IREB2: variants seen among roughly 807,000 people sequenced by gnomAD.
IREB2 encodes iron responsive element binding protein 2.
A neutral mutation model predicts 118.8 loss-of-function variants in IREB2; 39 were observed. The observed-to-expected ratio is 0.33, with a 90% CI of 0.25 to 0.43. The LOEUF is 0.43. IREB2 is among the 20% of genes least tolerant of loss of function. The pLI is 1.00. For synonymous variants in IREB2, 372 were observed against 392.2 expected, an observed-to-expected ratio of 0.95 and a Z score of 0.61; for missense variants, 900 against 1,147.3, an observed-to-expected ratio of 0.78 and a Z score of 3.11.
At chr15:78,442,796 G>A (rs2050864619) in intron 2 of IREB2, among the ~76,000 whole-genome samples, 1 of 152,132 alleles carries the variant, frequency 6.6e-6, no homozygotes, top group East Asian at 1.9e-4. Flanking sequence ...TGCACCTCCA[G>A]GCATTATGTC....
At chr15:78,477,443 C>G (rs2051490404) in intron 9 of IREB2, among the ~76,000 whole-genome samples, 2 of 152,164 alleles carry the variant, frequency 1.3e-5, no homozygotes, top group South Asian at 4.1e-4. Context: ...GAGCTGTCAG[C>G]TGAGGACTTA....
chr15:78,446,571 C>T lies in IREB2; in HGVS notation c.106+6690C>T, dbSNP rs138045333. Among the ~76,000 whole-genome samples the T allele has an allele frequency of 4.4e-3, 674 of 152,290 alleles. 4 individuals carry two copies. Among genetic ancestry groups the T allele is most frequent in the Middle Eastern group, 0.01 (3 of 294 alleles). On this transcript the variant is annotated intron_variant, in intron 2 of 21. Coordinates refer to ENST00000258886, the MANE Select transcript of IREB2 (RefSeq NM_004136.4). ...TTCCACTCTTCTGCTTCCTCCACTT[C>T]ACTATAGACAAGCCTCCTCTGCCTG...
Position 78,493,969 on chromosome 15 carries a change from A to T in IREB2, c.2385A>T (p.Thr795=). 1 of 1,614,054 alleles carries T rather than the reference A, an allele frequency of 6.2e-7. No homozygotes were observed. The change falls in exon 19 of 22, where the codon ACA becomes ACT. Residue 795 remains threonine, a synonymous_variant. Coordinates refer to ENST00000258886, the MANE Select transcript of IREB2 (RefSeq NM_004136.4). ...GAAGAGGTAATGATGCTGTAATGAC[A>T]AGAGGCACTTTTGCAAATATCAAGC... ...GARRGNDAVM[T]RGTFANIKLF...
At position 78,497,126 on chromosome 15, in the gene IREB2, G is replaced by A. The variant is rs777230059; in HGVS notation, c.2596G>A (p.Gly866Ser). Residue 866 changes from glycine (G) to serine (S), a missense_variant and splice_region_variant, in exon 21 of 22, where the codon GGT becomes AGT. Coordinates refer to ENST00000258886, the MANE Select transcript of IREB2 (RefSeq NM_004136.4). ...DWAAKGPYLL[G>S]VKAVLAESYE... ...GGAATAAAATGCACATTTATTACAG[G>A]GTGTGAAAGCTGTTTTGGCCGAAAG... The A allele has an allele frequency of 1.2e-6, 2 of 1,610,244 alleles. No individual in the cohort carries two copies. The highest frequency in any genetic ancestry group is 1.3e-5 in the African/African-American group (1 of 74,984).
intron 1 of IREB2, among the ~76,000 whole-genome samples, chr15:78,439,391 T>G (rs1233137033): frequency 2.0e-5 from 3 of 152,228 alleles, no homozygotes; most frequent in Non-Finnish European, 4.4e-5. Context: ...CTCTGCAGTT[T>G]TCAAGACATG....
At chr15:78,438,999 T>C (rs1480936483) in intron 1 of IREB2, 1 of 152,286 alleles carries the variant, frequency 6.6e-6, no homozygotes, top group Non-Finnish European at 1.5e-5. Context: ...ATGAAAGCCT[T>C]AACAATGTTG....
intron 2 of IREB2, among the ~76,000 whole-genome samples, chr15:78,460,734 C>G (rs550957700): frequency 6.6e-6 from 1 of 152,086 alleles, no homozygotes; most frequent in African/African-American, 2.4e-5. Context: ...TAGAAAATAC[C>G]TAATTTTTAG....
intron 1 of IREB2, among the ~76,000 whole-genome samples, 193 bp from the exon 2 acceptor site, chr15:78,439,602 C>A (rs1033129360): frequency 6.6e-6 from 1 of 152,174 alleles, no homozygotes; most frequent in Non-Finnish European, 1.5e-5. Context: ...AAATTCAGTT[C>A]CTCAGGCACG....
chr15:78,497,072 C>T (rs2051847931), intron 20 of IREB2, 54 bp from the exon 21 acceptor site: 4 of 1,432,080 alleles, frequency 2.8e-6, no homozygotes, highest in Non-Finnish European at 3.9e-6. Flanking sequence ...TTTAAATGCT[C>T]AATAAATAAC....
Position 78,438,282 on chromosome 15 carries a change from C to A in IREB2, c.-56C>A. 1 of 1,418,338 alleles carries A rather than the reference C, an allele frequency of 7.1e-7. No individual in the cohort carries two copies. The highest frequency in any genetic ancestry group is 9.8e-7 in the Non-Finnish European group (1 of 1,021,506). 87.9% of individuals were successfully genotyped at this position (1,418,338 alleles called of 1,614,324 possible). The stretch of plus-strand genomic sequence containing the variant: ...TTCCTCCCCGTCTTCCCTGCCCGGC[C>A]TCCCCCTTCTTCCCCCGCTGGCCCC... On this transcript the variant is annotated 5_prime_UTR_variant, in exon 1 of 22. Transcript: ENST00000258886.
Position 78,498,062 on chromosome 15 carries a change from T to G in IREB2, c.2811T>G (p.Ile937Met). ...GCACTGGAAAAGTATTCAGCGTGAT[T>G]GCTTCGTTTGAAGATGATGTGGAAA... is the stretch of plus-strand genomic sequence containing the variant. ...QTSTGKVFSV[I>M]ASFEDDVEIT... The change falls in exon 22 of 22, where the codon ATT becomes ATG. Residue 937 changes from isoleucine to methionine, a missense_variant. Physicochemically the swap from Ile to Met is conservative, Grantham distance 10. Transcript: ENST00000258886. The G allele has an allele frequency of 6.2e-7, 1 of 1,613,202 alleles. No homozygotes were observed. Among genetic ancestry groups the G allele is most frequent in the Non-Finnish European group, 8.5e-7 (1 of 1,179,186 alleles).
At chr15:78,448,565 C>T (rs2050970721) in intron 2 of IREB2, among the ~76,000 whole-genome samples, 1 of 152,230 alleles carries the variant, frequency 6.6e-6, no homozygotes, top group Non-Finnish European at 1.5e-5. Context: ...CCCTATCCCG[C>T]CTGGTTCTGG....
chr15:78,487,726 A>C lies in IREB2; in HGVS notation c.1710-7A>C. The C allele has an allele frequency of 6.5e-7, 1 of 1,542,206 alleles. No individual in the cohort carries two copies. Among genetic ancestry groups the C allele is most frequent in the Non-Finnish European group, 8.9e-7 (1 of 1,118,380 alleles). On this transcript the variant is annotated splice_polypyrimidine_tract_variant and splice_region_variant and intron_variant, in intron 13 of 21. Transcript: ENST00000258886. Reference sequence around the variant, plus strand: ...TGCTATTCAGTCACTTTTTTTTTGAAATGCAGATTTGAAATCGTTGGCTAT... The same window carrying C: ...TGCTATTCAGTCACTTTTTTTTTGACATGCAGATTTGAAATCGTTGGCTAT...
intron 2 of IREB2, among the ~76,000 whole-genome samples, chr15:78,457,474 A>G (rs1215561952): frequency 6.6e-6 from 1 of 152,124 alleles, no homozygotes; most frequent in Non-Finnish European, 1.5e-5. Context: ...TTGCTTGATT[A>G]ATTGATAGTT....
chr15:78,437,736 A>T (rs887460602), upstream of IREB2: 1 of 152,726 alleles, frequency 6.5e-6, no homozygotes, highest in Non-Finnish European at 1.5e-5. Flanking sequence ...GAAAAAATTC[A>T]TTCATTCAAC....
At chr15:78,493,793 T>A in intron 18 of IREB2, 116 bp from the exon 19 acceptor site, 1 of 890,284 alleles carries the variant, frequency 1.1e-6, no homozygotes, top group Non-Finnish European at 1.7e-6. Context: ...GGTTTTGTTT[T>A]CTTTTGTGTT....
In IREB2 at chr15:78,450,824, TTGTGTGTGTGTGTGTG is replaced by T. The variant is rs35092289; in HGVS notation, c.106+10977_106+10992del. 3.0e-3 allele frequency among the ~76,000 whole-genome samples: 401 copies of T among 134,118 alleles called. 2 individuals carry two copies. The highest frequency in any genetic ancestry group is 7.6e-3 in the African/African-American group (271 of 35,590). The allele number at this position is 134,118 out of a possible 152,430, so 88.0% of individuals were successfully genotyped here. On this transcript the variant is annotated intron_variant, in intron 2 of 21. Transcript: ENST00000258886. ...GAGGGCTGTGGTGATATTAACAAAT[TTGTGTGTGTGTGTGTG>T]TGTGTGTGTGTGTGTGTGTGTGTGT...
chr15:78,454,411 A>G (rs1455512866), intron 2 of IREB2, among the ~76,000 whole-genome samples: 1 of 152,226 alleles, frequency 6.6e-6, no homozygotes, highest in Non-Finnish European at 1.5e-5. Context: ...GCTTAGTGAA[A>G]AAAATACAGG....
rs373490921 is a variant in IREB2 at position 78,473,401 on chromosome 15, G to C, written c.1023+20G>C. The C allele has an allele frequency of 2.5e-6, 4 of 1,600,318 alleles. No homozygotes were observed. The African/African-American group carries it at 5.4e-5, about 22-fold the overall frequency. ...ACAAAGGTAAGTTAAAGTTGTGGTA[G>C]CTCTATGACTTACTGAACATTATTT... On this transcript the variant is annotated intron_variant, in intron 8 of 21. Transcript: ENST00000258886.
Sources: allele counts gnomAD v4.1 joint callset (sites outside exome capture counted in the v4.1 genomes callset), GRCh38; gene constraint gnomAD v4.1.1; transcripts MANE v1.5; gene names NCBI Gene and HGNC (gene_info 2026-07-23, HGNC 2026-07-21).